The following STK32B variants were observed in gnomAD, a reference collection of about 807,000 sequenced individuals.
The protein encoded by STK32B is serine/threonine kinase 32B, also known as serine/threonine-protein kinase 32B.
In STK32B, 43 loss-of-function variants were observed where a neutral mutation model predicts 52.6. The observed-to-expected ratio is 0.82, with a 90% CI of 0.64 to 1.05. The LOEUF (loss-of-function observed/expected upper bound fraction) is 1.05, where lower values mean the gene tolerates loss of function less well. Ranked by LOEUF, STK32B falls within the 50% of genes least tolerant of loss-of-function variation. The pLI, the probability that STK32B is intolerant of heterozygous loss-of-function variation, is 0.00. For missense variants in STK32B, 621 were observed against 534.6 expected (o/e 1.16, Z -1.59); for synonymous variants, 238 against 204.3 (o/e 1.17, Z -1.41).
chr4:5,078,298 C>T (rs1421770241), intron 1 of STK32B, among the ~76,000 whole-genome samples: 1 of 152,128 alleles, frequency 6.6e-6, no homozygotes, highest in Non-Finnish European at 1.5e-5. Context: ...CAAGGATTCA[C>T]TCTCTAGAAC....
chr4:5,203,809 G>T (rs1189680797), intron 3 of STK32B, among the ~76,000 whole-genome samples: 2 of 152,048 alleles, frequency 1.3e-5, no homozygotes, highest in Admixed American at 6.6e-5. Context: ...ACCTCCAAGA[G>T]CGATCACTTA....
At chr4:5,234,265 T>C (rs1053989707) in intron 3 of STK32B, among the ~76,000 whole-genome samples, 2 of 152,230 alleles carry the variant, frequency 1.3e-5, no homozygotes, top group African/African-American at 4.8e-5. Flanking sequence ...TCTTGTTTTT[T>C]CTCATCTGTA....
At chr4:5,075,484 AAT>A (rs1428687464) in intron 1 of STK32B, among the ~76,000 whole-genome samples, 1 of 152,090 alleles carries the variant, frequency 6.6e-6, no homozygotes, top group African/African-American at 2.4e-5. Context: ...ATTTTTTAAA[AAT>A]ATATCTAAGT....
intron 3 of STK32B, among the ~76,000 whole-genome samples, chr4:5,275,284 G>C (rs1002101598): frequency 6.6e-6 from 1 of 152,218 alleles, no homozygotes; most frequent in South Asian, 2.1e-4. Context: ...CATTATCACA[G>C]AGAGAGATAG....
the STK32B span, among the ~76,000 whole-genome samples, chr4:5,020,582 AGGCACAT>A: frequency 6.6e-6 from 1 of 152,170 alleles, no homozygotes; most frequent in African/African-American, 2.4e-5. Flanking sequence ...ACAAAGCTGG[AGGCACAT>A]GGGTTGGGAT....
the STK32B span, among the ~76,000 whole-genome samples, chr4:5,036,997 T>C: frequency 6.6e-6 from 1 of 152,092 alleles, no homozygotes; most frequent in Non-Finnish European, 1.5e-5. Context: ...ACACAACAGC[T>C]CTCTGGCAAG....
At chr4:5,410,872 G>A (rs1333118036) in intron 5 of STK32B, among the ~76,000 whole-genome samples, 1 of 152,130 alleles carries the variant, frequency 6.6e-6, no homozygotes, top group East Asian at 1.9e-4. Flanking sequence ...GGAAGTCCAA[G>A]ATCGTGGGCA....
chr4:5,184,946 G>A (rs1035593865), intron 3 of STK32B, among the ~76,000 whole-genome samples: 1 of 152,216 alleles, frequency 6.6e-6, no homozygotes, highest in Non-Finnish European at 1.5e-5. Flanking sequence ...GCCTGTGTTA[G>A]CACTTGTCCT....
chr4:5,044,067 A>T, the STK32B span, among the ~76,000 whole-genome samples: 1 of 152,036 alleles, frequency 6.6e-6, no homozygotes, highest in Non-Finnish European at 1.5e-5. Flanking sequence ...CCTTCTAGGC[A>T]TTTAATTCTC....
At chr4:5,496,433 G>A (rs1238733663) in intron 11 of STK32B, among the ~76,000 whole-genome samples, 5 of 152,146 alleles carry the variant, frequency 3.3e-5, no homozygotes, top group South Asian at 2.1e-4. Context: ...TCGGAAAAGC[G>A]CAGTATTGGG....
intron 3 of STK32B, among the ~76,000 whole-genome samples, chr4:5,303,920 T>C (rs1729743935): frequency 6.6e-6 from 1 of 152,098 alleles, no homozygotes; most frequent in Non-Finnish European, 1.5e-5. Context: ...CCCAGTACCA[T>C]TTGTTGAAGA....
intron 11 of STK32B, among the ~76,000 whole-genome samples, chr4:5,489,072 G>A (rs1033998860): frequency 6.6e-6 from 1 of 152,012 alleles, no homozygotes; most frequent in Non-Finnish European, 1.5e-5. Flanking sequence ...TATTTTGAAC[G>A]AGAACCAGTT....
At chr4:5,444,497 T>A (rs1715189000) in intron 6 of STK32B, among the ~76,000 whole-genome samples, 1 of 152,200 alleles carries the variant, frequency 6.6e-6, no homozygotes, top group East Asian at 1.9e-4. Context: ...CTGCGCCCAC[T>A]GTCTGGCACT....
chr4:5,377,359 G>A (rs1735650825), intron 4 of STK32B, among the ~76,000 whole-genome samples: 1 of 152,158 alleles, frequency 6.6e-6, no homozygotes, highest in Non-Finnish European at 1.5e-5. Flanking sequence ...GCTGGCAGAT[G>A]GTTAGAGAAA....
chr4:5,224,741 ATAT>A (rs1335697504), intron 3 of STK32B, among the ~76,000 whole-genome samples: 12 of 152,310 alleles, frequency 7.9e-5, no homozygotes, highest in Middle Eastern at 6.8e-3. Context: ...TTAATTAATA[ATAT>A]TAATGACAAA....
intron 4 of STK32B, among the ~76,000 whole-genome samples, chr4:5,364,807 C>T (rs1734772321): frequency 6.6e-6 from 1 of 152,186 alleles, no homozygotes; most frequent in South Asian, 2.1e-4. Context: ...CATGTGTTCA[C>T]AATGGTCTTT....
chr4:5,083,552 T>G (rs1443249888), intron 1 of STK32B, among the ~76,000 whole-genome samples: 1 of 152,232 alleles, frequency 6.6e-6, no homozygotes, highest in Admixed American at 6.5e-5. Flanking sequence ...TGGCAAATAG[T>G]ACATGCTCAA....
At chr4:5,430,579 A>G (rs2109090642) in intron 6 of STK32B, among the ~76,000 whole-genome samples, 1 of 152,228 alleles carries the variant, frequency 6.6e-6, no homozygotes. Flanking sequence ...GTCTCTTCAC[A>G]ATGAGTTTTT....
At chr4:5,055,822 G>A (rs1418565475) in intron 1 of STK32B, among the ~76,000 whole-genome samples, 1 of 151,500 alleles carries the variant, frequency 6.6e-6, no homozygotes, top group Non-Finnish European at 1.5e-5. Flanking sequence ...GACTCTCATT[G>A]ACCACCCTAC....
Sources: gnomAD v4.1 joint callset for allele counts (sites outside exome capture counted in the v4.1 genomes callset) on GRCh38, gnomAD v4.1.1 for gene constraint, MANE v1.5 for transcripts, NCBI Gene and HGNC (gene_info 2026-07-23, HGNC 2026-07-21) for gene names.